The following PRDM7 variants were observed in gnomAD, a reference collection of about 807,000 sequenced individuals.
PRDM7 encodes PR/SET domain 7, also known as histone-lysine N-methyltransferase PRDM7.
A neutral mutation model predicts 64.3 loss-of-function variants in PRDM7; 52 were observed. The observed-to-expected ratio is 0.81, with a 90% CI of 0.65 to 1.02. The LOEUF (loss-of-function observed/expected upper bound fraction) is 1.02, where lower values mean the gene tolerates loss of function less well. Among genes scored for constraint, PRDM7 ranks in the 50% least tolerant of loss-of-function variants. The probability of loss-of-function intolerance (pLI) is 0.00; values close to 1 mark genes in which losing one functional copy is unlikely to be tolerated. For missense variants in PRDM7, 574 were observed against 597.1 expected (o/e 0.96, Z 0.40); for synonymous variants, 192 against 210.1 (o/e 0.91, Z 0.74).
chr16:90,070,053 C>T (rs368488542), intron 4 of PRDM7: 4 of 43,218 alleles, frequency 9.3e-5, no homozygotes, highest in Non-Finnish European at 2.2e-4. Context: ...GAAACTCTGT[C>T]TGAAAAAAAA....
At chr16:90,066,692 G>T (rs1023742835) in intron 5 of PRDM7, among the ~76,000 whole-genome samples, 169 bp downstream of exon 5, 3 of 151,304 alleles carry the variant, frequency 2.0e-5, no homozygotes, top group African/African-American at 7.4e-5. Context: ...AGCGATTATT[G>T]TTGCTGTTCT....
chr16:90,067,890 G>A (rs909141213), intron 4 of PRDM7, among the ~76,000 whole-genome samples: 9 of 151,046 alleles, frequency 6.0e-5, no homozygotes, highest in Non-Finnish European at 1.3e-4. Context: ...GCGCCCAGCC[G>A]AAAAGCCAAA....
At position 90,071,640 on chromosome 16, in the gene PRDM7, C is replaced by T. The variant is rs532127425; in HGVS notation, c.301+3276G>A. 2.7e-4 allele frequency among the ~76,000 whole-genome samples: 41 copies of T among 152,296 alleles called. No homozygotes were observed. The South Asian group carries it at 8.1e-3, about 30-fold the overall frequency. ...ACCCACTCCTGCAATAACTAACCCA[C>T]TCCTGTGATAATGGCATTAATCCAT... On this transcript the variant is annotated intron_variant, in intron 4 of 10. Coordinates refer to ENST00000449207, the MANE Select transcript of PRDM7 (RefSeq NM_001098173.2).
At position 90,067,050 on chromosome 16, in the gene PRDM7, C is replaced by T. The variant is rs552232155; in HGVS notation, c.302-140G>A. ...CACAATCTCCCCTCACTGCAACCTC[C>T]GCCTCCCGGATTCAAGCAATTCTCC... On this transcript the variant is annotated intron_variant, in intron 4 of 10. Coordinates refer to ENST00000449207, the MANE Select transcript of PRDM7 (RefSeq NM_001098173.2). 94 of 691,074 alleles carry T rather than the reference C, an allele frequency of 1.4e-4. 2 individuals are homozygous for T. Among genetic ancestry groups the T allele is most frequent in the South Asian group, 1.1e-3 (76 of 71,474 alleles). 42.8% of individuals were successfully genotyped at this position (691,074 alleles called of 1,614,324 possible).
Position 90,075,571 on chromosome 16 carries a change from G to T in PRDM7, c.70-97C>A. 1 of 1,590,218 alleles carries T rather than the reference G, an allele frequency of 6.3e-7. No individual in the cohort carries two copies. The highest frequency in any genetic ancestry group is 8.6e-7 in the Non-Finnish European group (1 of 1,159,482). On this transcript the variant is annotated intron_variant, in intron 2 of 10. Transcript: ENST00000449207. The surrounding 1 kb of genome is among the most constrained non-coding windows in gnomAD (Gnocchi z 4.3). ...GTGTAGGGCATAGCCTGGGGCCTCT[G>T]GGAGTCTCTGTGAAACATAAAGACC...
intron 5 of PRDM7, among the ~76,000 whole-genome samples, chr16:90,065,779 C>G (rs889709404): frequency 2.0e-5 from 3 of 151,384 alleles, no homozygotes. Context: ...CGAAAATTAT[C>G]TCATAGTCCT....
intron 4 of PRDM7, among the ~76,000 whole-genome samples, chr16:90,071,611 C>CG (rs1555657444): frequency 3.3e-5 from 5 of 151,974 alleles, no homozygotes; most frequent in Non-Finnish European, 7.4e-5. Flanking sequence ...TCCTTTTCAT[C>CG]GGAACCCACT....
At chr16:90,064,123 A>T (rs2151307919) in intron 5 of PRDM7, among the ~76,000 whole-genome samples, 1 of 152,350 alleles carries the variant, frequency 6.6e-6, no homozygotes, top group Middle Eastern at 3.4e-3. Flanking sequence ...TTTTGATGGA[A>T]GGGGAAATGT....
chr16:90,074,712 A>T (rs2038009665), intron 4 of PRDM7, among the ~76,000 whole-genome samples: 1 of 152,054 alleles, frequency 6.6e-6, no homozygotes. Context: ...CATATCTACT[A>T]AACAAAATTA....
rs749752666 is a variant in PRDM7, at chr16:90,058,302, C to T, written c.1466G>A (p.Gly489Asp). 6.2e-7 allele frequency: 1 copy of T among 1,614,180 alleles called. No individual in the cohort carries two copies. Among genetic ancestry groups the T allele is most frequent in the East Asian group, 2.2e-5 (1 of 44,880 alleles). ...ATGTCCTTTTATTCAAGAGTTTGGA[C>T]CTTTCTTTGATCTCTTGACCTTTGG... ...TKPKVKRSKK[G>D]PNS Residue 489 changes from glycine to aspartate, a missense_variant, in exon 11 of 11, where the codon GGT becomes GAT. Gly to Asp is a moderately conservative substitution (Grantham distance 94). Transcript: ENST00000449207.
At chr16:90,063,576 A>G in intron 6 of PRDM7, 36 bp downstream of exon 6, 1 of 1,607,196 alleles carries the variant, frequency 6.2e-7, no homozygotes. Flanking sequence ...TCTAGAGGAC[A>G]TAGAGGGACT....
At chr16:90,067,259 C>T (rs566646445) in intron 4 of PRDM7, among the ~76,000 whole-genome samples, 1 of 151,324 alleles carries the variant, frequency 6.6e-6, no homozygotes, top group African/African-American at 2.5e-5. Context: ...AGCCACTATG[C>T]TTGGCCTAAC....
chr16:90,061,351 G>T, intron 9 of PRDM7, 101 bp downstream of exon 9: 1 of 1,189,486 alleles, frequency 8.4e-7, no homozygotes, highest in Non-Finnish European at 1.2e-6. Context: ...TAGAAATAGG[G>T]GATGTGAAAA....
intron 4 of PRDM7, among the ~76,000 whole-genome samples, chr16:90,070,235 G>C (rs2037936439): frequency 6.6e-6 from 1 of 150,944 alleles, no homozygotes; most frequent in Non-Finnish European, 1.5e-5. Context: ...GGTATTTAAA[G>C]ATGGAGCCAC....
In PRDM7 at chr16:90,056,772, C is replaced by T. The variant is rs748524019; in HGVS notation, c.*1517G>A. The stretch of plus-strand genomic sequence containing the variant: ...ATGGTCAGAGTGGAACAGAACAGAC[C>T]GGGAAGTTTCACAATGTCTTTCTAT... On this transcript the variant is annotated 3_prime_UTR_variant, in exon 11 of 11. Transcript: ENST00000449207. The T allele has an allele frequency of 7.9e-5, 12 of 152,110 alleles. No individual in the cohort carries two copies. Among genetic ancestry groups the T allele is most frequent in the Admixed American group, 2.0e-4 (3 of 15,268 alleles). The allele number at this position is 152,110 out of a possible 1,614,324, so 9.4% of individuals were successfully genotyped here. A position where few individuals can be genotyped will look rare whatever the true frequency, so the allele number is the denominator to read the frequency against.
Position 90,060,542 on chromosome 16 carries a change from G to A in PRDM7, c.1032C>T (p.Cys344=), listed in dbSNP as rs1567874898. ...QYHRQIFYRT[C]RVIRPGCELL... is the part of the protein sequence containing the mutation. ...GTTCACAGCCTGGCCTAATGACTCG[G>A]CAGGTTCTATAGAAGATCTGCCTGT... The change falls in exon 10 of 11, where the codon TGC becomes TGT. Residue 344 remains cysteine, a synonymous_variant. Transcript: ENST00000449207. 31 of 1,614,014 alleles carry A rather than the reference G, an allele frequency of 1.9e-5. No individual in the cohort carries two copies. Among genetic ancestry groups the A allele is most frequent in the Non-Finnish European group, 2.3e-5 (27 of 1,179,950 alleles).
rs1032312990 is a variant in PRDM7, at chr16:90,057,454, G to A, written c.*835C>T. 4.8e-5 allele frequency: 8 copies of A among 167,574 alleles called. No homozygotes were observed. 10.4% of individuals were successfully genotyped at this position (167,574 alleles called of 1,614,324 possible). On this transcript the variant is annotated 3_prime_UTR_variant, in exon 11 of 11. Transcript: ENST00000449207. ...GTGGAGACTTGAACTGAACGTTTGA[G>A]TTCTCTGTGGCCCTTCTGGACTCTT...
intron 9 of PRDM7, 113 bp from the exon 10 acceptor site, chr16:90,060,736 T>G (rs1227460517): frequency 1.3e-5 from 20 of 1,492,696 alleles, no homozygotes; most frequent in Non-Finnish European, 1.4e-5. Context: ...AATCAGCCAT[T>G]TTTTCAAAGC....
At position 90,062,106 on chromosome 16, in the gene PRDM7, C is replaced by T. The variant is rs1460113283; in HGVS notation, c.697G>A (p.Gly233Arg). The T allele has an allele frequency of 1.2e-6, 2 of 1,614,130 alleles. No homozygotes were observed. The highest frequency in any genetic ancestry group is 1.3e-5 in the African/African-American group (1 of 74,950). The change falls in exon 8 of 11, where the codon GGG becomes AGG. Residue 233 changes from glycine (G) to arginine (R), a missense_variant. Coordinates refer to ENST00000449207, the MANE Select transcript of PRDM7 (RefSeq NM_001098173.2). Reference sequence around the variant, plus strand: ...CTGAGGGCTGAACGGTTGGGATGCCCCTTGTCCACTGCACTGTCCTTTACA... The same window carrying T: ...CTGAGGGCTGAACGGTTGGGATGCCTCTTGTCCACTGCACTGTCCTTTACA... ...TFVKDSAVDK[G>R]HPNRSALSLP...
Sources: gnomAD v4.1 joint callset for allele counts (sites outside exome capture counted in the v4.1 genomes callset) on GRCh38, gnomAD v4.1.1 for gene constraint, Gnocchi (gnomAD v3.1) non-coding constraint, MANE v1.5 for transcripts, NCBI Gene and HGNC (gene_info 2026-07-23, HGNC 2026-07-21) for gene names.